Variants in AGT observed in about 807,000 individuals in gnomAD.
AGT encodes the protein alpha-1 antiproteinase, antitrypsin.
AGT carries 26 observed loss-of-function variants against 28.1 expected under a neutral mutation model. The ratio of observed to expected loss-of-function variants is 0.92; its 90% CI spans 0.68 to 1.28. The LOEUF is 1.28. Ranked by LOEUF, AGT falls within the 50% of genes most tolerant of loss-of-function variation. The pLI is 0.00. For missense variants in AGT, 596 were observed against 592.3 expected, an observed-to-expected ratio of 1.01 and a Z score of -0.06; for synonymous variants, 259 against 259.6, an observed-to-expected ratio of 1.00 and a Z score of 0.02.
intron 1 of AGT, among the ~76,000 whole-genome samples, chr1:230,727,659 CT>C (rs1359300329): frequency 1.3e-5 from 2 of 152,182 alleles, no homozygotes; most frequent in African/African-American, 4.8e-5. Flanking sequence ...GTTATGTCCC[CT>C]AAAAGGCACC....
At chr1:230,740,182 T>A (rs1239796993) in intron 1 of AGT, among the ~76,000 whole-genome samples, 1 of 152,178 alleles carries the variant, frequency 6.6e-6, no homozygotes, top group East Asian at 1.9e-4. Context: ...GGTGGGAGTG[T>A]CTTTTAGTAT....
At chr1:230,707,357 G>A (rs1663417450) in intron 2 of AGT, among the ~76,000 whole-genome samples, 1 of 152,214 alleles carries the variant, frequency 6.6e-6, no homozygotes, top group South Asian at 2.1e-4. Flanking sequence ...GTTTGTCACA[G>A]AACAGTCCCC....
intron 1 of AGT, among the ~76,000 whole-genome samples, chr1:230,713,848 C>T (rs766621329): frequency 1.3e-5 from 2 of 152,162 alleles, no homozygotes; most frequent in African/African-American, 2.4e-5. Context: ...CTTTTCTCAG[C>T]GGAAGCAGGA....
chr1:230,720,997 C>A lies in AGT; in HGVS notation c.-30-10144G>T, dbSNP rs80255680. 3.4e-3 allele frequency among the ~76,000 whole-genome samples: 520 copies of A among 152,314 alleles called. 4 individuals carry two copies. The highest frequency in any genetic ancestry group is 0.011 in the African/African-American group (476 of 41,580). On this transcript the variant is annotated intron_variant, in intron 1 of 4. Coordinates refer to the AGT transcript ENST00000681269. ...CAAGCCAGACCTGGCCCAGGGGGGC[C>A]GATTGGGTGAGGCACCTCCAGGGAC...
At chr1:230,744,810 G>A (rs1664313623) in intron 1 of AGT, among the ~76,000 whole-genome samples, 1 of 152,206 alleles carries the variant, frequency 6.6e-6, no homozygotes, top group African/African-American at 2.4e-5. Context: ...GTCTGGTGCT[G>A]AGCAAACCCT....
upstream of AGT, among the ~76,000 whole-genome samples, chr1:230,719,406 G>GTTTTTTTTGTTTGTTTGTTTTT (rs1558291279): frequency 2.0e-5 from 2 of 100,352 alleles, no homozygotes; most frequent in African/African-American, 4.0e-5. Context: ...TTATCATTAT[G>GTTTTTTTTGTTTGTTTGTTTTT]TTTTTTTTTT....
At chr1:230,734,741 G>T (rs534421745) in intron 1 of AGT, among the ~76,000 whole-genome samples, 1 of 151,432 alleles carries the variant, frequency 6.6e-6, no homozygotes, top group Admixed American at 6.6e-5. Context: ...ATGGAGTCTC[G>T]CTCTGTCGCC....
intron 1 of AGT, among the ~76,000 whole-genome samples, chr1:230,744,786 G>A (rs1664313148): frequency 6.6e-6 from 1 of 152,242 alleles, no homozygotes; most frequent in African/African-American, 2.4e-5. Flanking sequence ...GTAAATCCCT[G>A]AAGCTGGGAG....
Position 230,710,762 on chromosome 1 carries a change from A to G in AGT, c.62T>C (p.Leu21Pro). ...TATGTACACCCGGTCACCTGCAGCC[A>G]GGCCAGCCCAGGCCAGGAGGCAGAG... is the stretch of plus-strand genomic sequence containing the variant. ...TILCLLAWAG[L>P]AAGDRVYIHP... The change falls in exon 2 of 5, where the codon CTG becomes CCG. Residue 21 changes from leucine (L) to proline (P), a missense_variant. By Grantham distance (98) the Leu-to-Pro change is moderately conservative. Coordinates refer to ENST00000366667, the MANE Select transcript of AGT (RefSeq NM_001384479.1). 1 of 1,614,162 alleles carries G rather than the reference A, an allele frequency of 6.2e-7. No homozygotes were observed. Among genetic ancestry groups the G allele is most frequent in the African/African-American group, 1.3e-5 (1 of 75,070 alleles).
chr1:230,730,188 T>C (rs1313296414), intron 1 of AGT, among the ~76,000 whole-genome samples: 3 of 151,926 alleles, frequency 2.0e-5, no homozygotes, highest in Non-Finnish European at 4.4e-5. Context: ...CCCACAGTGC[T>C]GGGATTACAG....
At chr1:230,716,988 G>C (rs1663750196), upstream of AGT, among the ~76,000 whole-genome samples, 1 of 151,396 alleles carries the variant, frequency 6.6e-6, no homozygotes, top group South Asian at 2.1e-4. Flanking sequence ...TTGAAAAAGA[G>C]CTGTACTTTA....
chr1:230,726,688 A>T (rs1663949517), intron 1 of AGT, among the ~76,000 whole-genome samples: 1 of 152,174 alleles, frequency 6.6e-6, no homozygotes, highest in African/African-American at 2.4e-5. Context: ...CTCTTCAATC[A>T]TCCTTTCCAA....
At chr1:230,708,564 T>C (rs2478543) in intron 2 of AGT, among the ~76,000 whole-genome samples, 87,631 of 151,884 alleles carry the variant, frequency 0.58, 27,789 homozygotes, top group East Asian at 0.83. Flanking sequence ...AGGAGGTTGT[T>C]GTGGTAAGAA....
chr1:230,719,385 TA>T (rs1318674936), upstream of AGT, among the ~76,000 whole-genome samples: 2 of 130,226 alleles, frequency 1.5e-5, no homozygotes, highest in African/African-American at 6.8e-5. Context: ...TTCTATTTTT[TA>T]TTATTATTAT....
intron 2 of AGT, 35 bp from the exon 3 acceptor site, chr1:230,706,235 C>T (rs1663385010): frequency 9.3e-6 from 15 of 1,607,974 alleles, no homozygotes; most frequent in Middle Eastern, 2.0e-4. Flanking sequence ...AGGGAAGAGT[C>T]ACCCAAGACA....
At chr1:230,732,474 G>A (rs1664085918) in intron 1 of AGT, among the ~76,000 whole-genome samples, 1 of 151,932 alleles carries the variant, frequency 6.6e-6, no homozygotes, top group African/African-American at 2.4e-5. Context: ...GAACAGCACT[G>A]GGGTTAGAGG....
At chr1:230,731,944 C>T (rs1453587032) in intron 1 of AGT, among the ~76,000 whole-genome samples, 1 of 152,052 alleles carries the variant, frequency 6.6e-6, no homozygotes, top group African/African-American at 2.4e-5. Flanking sequence ...TCTTGCTGTT[C>T]CCTCTATCCA....
intron 1 of AGT, 41 bp downstream of exon 1, chr1:230,714,045 G>C (rs1269764411): frequency 1.3e-5 from 2 of 152,216 alleles, no homozygotes; most frequent in African/African-American, 2.4e-5. Context: ...ACATCTGAGA[G>C]AGACAAGACC....
chr1:230,725,553 C>T (rs561689403), intron 1 of AGT, among the ~76,000 whole-genome samples: 101 of 152,294 alleles, frequency 6.6e-4, no homozygotes, highest in South Asian at 1.7e-3. Context: ...TAAGAAACAG[C>T]TATCCAAATG....
Sources: allele counts gnomAD v4.1 joint callset (sites outside exome capture counted in the v4.1 genomes callset), GRCh38; gene constraint gnomAD v4.1.1; transcripts MANE v1.5; gene names NCBI Gene and HGNC (gene_info 2026-07-23, HGNC 2026-07-21).